The following PCDHGA7 variants were observed in gnomAD, a reference collection of about 807,000 sequenced individuals.
PCDHGA7 encodes protocadherin gamma-A7.
In PCDHGA7, 44 loss-of-function variants were observed where a neutral mutation model predicts 58.3. The observed-to-expected ratio is 0.75, with a 90% CI of 0.59 to 0.97. PCDHGA7 has a LOEUF of 0.97. Ranked by LOEUF, PCDHGA7 falls within the 50% of genes least tolerant of loss-of-function variation. PCDHGA7 has a pLI of 0.00. For missense variants in PCDHGA7, 1,266 were observed against 1,188.7 expected, an observed-to-expected ratio of 1.06 and a Z score of -0.96; for synonymous variants, 516 against 504.2, an observed-to-expected ratio of 1.02 and a Z score of -0.31.
chr5:141,385,328 G>A lies in PCDHGA7; in HGVS notation c.2424+5G>A, dbSNP rs767891948. The A allele has an allele frequency of 8.2e-6, 13 of 1,588,314 alleles. No homozygotes were observed. Among genetic ancestry groups the A allele is most frequent in the Middle Eastern group, 1.7e-4 (1 of 5,946 alleles). On this transcript the variant is annotated splice_donor_5th_base_variant and intron_variant, in intron 1 of 3. Coordinates refer to ENST00000518325, the MANE Select transcript of PCDHGA7 (RefSeq NM_018920.4). ...GAAAACCTGCCAAGTATTCAGGTGA[G>A]CCCAGCCCTTCCTTTATTTCCATGA... is the stretch of plus-strand genomic sequence containing the variant.
At chr5:141,418,583 T>A (rs1242446631) in intron 1 of PCDHGA7, 1 of 1,613,862 alleles carries the variant, frequency 6.2e-7, no homozygotes, top group Non-Finnish European at 8.5e-7. Flanking sequence ...CCCCCCAGTG[T>A]TCAGCCAGGA....
intron 1 of PCDHGA7, chr5:141,414,866 C>T: frequency 6.2e-7 from 1 of 1,614,230 alleles, no homozygotes; most frequent in Non-Finnish European, 8.5e-7. Flanking sequence ...GACAATGCGC[C>T]CGAGATCCTG....
rs143939286 is a variant in PCDHGA7 at position 141,427,522 on chromosome 5, T to C, written c.2424+42199T>C. 6.1e-3 allele frequency: 3,716 copies of C among 607,796 alleles called. 27 individuals are homozygous for C. The highest frequency in any genetic ancestry group is 8.8e-3 in the Non-Finnish European group (2,868 of 324,656). The allele number at this position is 607,796 out of a possible 1,614,324, so 37.7% of individuals were successfully genotyped here. A position where few individuals can be genotyped will look rare whatever the true frequency, so the allele number is the denominator to read the frequency against. On this transcript the variant is annotated intron_variant, in intron 1 of 3. Transcript: ENST00000518325. ...GATGGGACCCTGGATTGGGAGCGGATCCCGGAGTACAACGTCACCATCACT... is the reference window on the plus strand; with the variant it reads ...GATGGGACCCTGGATTGGGAGCGGACCCCGGAGTACAACGTCACCATCACT...
chr5:141,438,895 A>C (rs2098073582), intron 1 of PCDHGA7, among the ~76,000 whole-genome samples: 1 of 151,640 alleles, frequency 6.6e-6, no homozygotes, highest in Non-Finnish European at 1.5e-5. Flanking sequence ...TGAACTCCTG[A>C]CCTCAGGTGA....
chr5:141,415,081 C>A, intron 1 of PCDHGA7: 2 of 1,613,522 alleles, frequency 1.2e-6, no homozygotes, highest in Non-Finnish European at 1.7e-6. Flanking sequence ...GGCGCGAGCC[C>A]TGCTGGACAG....
intron 1 of PCDHGA7, among the ~76,000 whole-genome samples, chr5:141,402,158 G>A (rs1276790302): frequency 2.0e-5 from 3 of 151,990 alleles, no homozygotes; most frequent in Non-Finnish European, 2.9e-5. Context: ...AATATTAGGC[G>A]AGAACATCTG....
chr5:141,412,847 A>G (rs1206334568), intron 1 of PCDHGA7: 1 of 213,282 alleles, frequency 4.7e-6, no homozygotes, highest in Non-Finnish European at 9.1e-6. Flanking sequence ...AGGAGTGGAG[A>G]AACCAAAGAA....
At chr5:141,452,912 A>T (rs1301567203) in intron 1 of PCDHGA7, among the ~76,000 whole-genome samples, 1 of 152,228 alleles carries the variant, frequency 6.6e-6, no homozygotes, top group African/African-American at 2.4e-5. Flanking sequence ...GGCATTATAC[A>T]GTAAGAAAGA....
intron 1 of PCDHGA7, among the ~76,000 whole-genome samples, chr5:141,438,678 G>C (rs2098050264): frequency 7.1e-6 from 1 of 140,560 alleles, no homozygotes; most frequent in African/African-American, 2.6e-5. Context: ...ATTTGGAGTA[G>C]GGGATGGAGT....
intron 2 of PCDHGA7, among the ~76,000 whole-genome samples, chr5:141,499,214 C>T (rs1228581603): frequency 6.6e-6 from 1 of 152,074 alleles, no homozygotes; most frequent in Non-Finnish European, 1.5e-5. Flanking sequence ...TAACCCAGGC[C>T]CTGCCCTGCA....
chr5:141,491,322 C>T lies in PCDHGA7; in HGVS notation c.2425-3485C>T. 6.2e-7 allele frequency: 1 copy of T among 1,614,156 alleles called. No individual in the cohort carries two copies. Among genetic ancestry groups the T allele is most frequent in the East Asian group, 2.2e-5 (1 of 44,860 alleles). On this transcript the variant is annotated intron_variant, in intron 1 of 3. Coordinates refer to ENST00000518325, the MANE Select transcript of PCDHGA7 (RefSeq NM_018920.4). This position sits in a 1 kb window ranked among gnomAD's most constrained non-coding sequence, Gnocchi z 6.9. ...AGCGTTCAGACCTTACCCTTTACCT[C>T]ATTGTGGCTCTAGCGACCGTCAGTC...
In PCDHGA7 at chr5:141,383,195, G is replaced by C; in HGVS notation, c.296G>C (p.Ser99Thr). 2.5e-6 allele frequency: 4 copies of C among 1,614,044 alleles called. No individual in the cohort carries two copies. Among genetic ancestry groups the C allele is most frequent in the Non-Finnish European group, 3.4e-6 (4 of 1,179,940 alleles). ...RIDREEICAQ[S>T]ARCLVNFNIL... ...GACCGGGAAGAGATCTGCGCTCAGA[G>C]TGCGCGGTGTCTGGTAAACTTTAAC... Residue 99 changes from serine (S) to threonine (T), a missense_variant, in exon 1 of 4, where the codon AGT (serine) becomes ACT (threonine). Transcript: ENST00000518325.
At position 141,432,459 on chromosome 5, in the gene PCDHGA7, T is replaced by A. The variant is rs1230209932; in HGVS notation, c.2424+47136T>A. The A allele has an allele frequency of 1.2e-6, 2 of 1,613,984 alleles. No homozygotes were observed. Among genetic ancestry groups the A allele is most frequent in the South Asian group, 1.1e-5 (1 of 91,082 alleles). ...GCGCCCGAGATCCTGTACCCCGCCCTCCCCACGGACGGTTCCACTGGCGTG... is the reference window on the plus strand; with the variant it reads ...GCGCCCGAGATCCTGTACCCCGCCCACCCCACGGACGGTTCCACTGGCGTG... On this transcript the variant is annotated intron_variant, in intron 1 of 3. Transcript: ENST00000518325. The surrounding 1 kb of genome is among the most constrained non-coding windows in gnomAD (Gnocchi z 6.0).
intron 1 of PCDHGA7, chr5:141,479,247 C>A (rs1428944159): frequency 6.6e-6 from 1 of 152,084 alleles, no homozygotes; most frequent in Non-Finnish European, 1.5e-5. Flanking sequence ...CAAAGATAAC[C>A]ATTTTTAATT....
At chr5:141,422,561 A>T in intron 1 of PCDHGA7, 1 of 1,613,992 alleles carries the variant, frequency 6.2e-7, no homozygotes, top group Non-Finnish European at 8.5e-7. Context: ...AATGTGGCAG[A>T]TGACAACGAT....
chr5:141,463,359 T>C (rs2099057442), intron 1 of PCDHGA7, among the ~76,000 whole-genome samples: 2 of 151,672 alleles, frequency 1.3e-5, no homozygotes, highest in Admixed American at 6.6e-5. Flanking sequence ...GGATTTCCCC[T>C]TTCCTGCCCC....
At position 141,418,812 on chromosome 5, in the gene PCDHGA7, A is replaced by T. The variant is rs761899929; in HGVS notation, c.2424+33489A>T. 4 of 1,613,914 alleles carry T rather than the reference A, an allele frequency of 2.5e-6. No individual in the cohort carries two copies. In the South Asian group the frequency reaches 4.4e-5, roughly 18 times the overall value. On this transcript the variant is annotated intron_variant, in intron 1 of 3. Transcript: ENST00000518325. ...GAAGAAGTAGAAAGATATACGATAA[A>T]CATAGAAGCAAAAGACCGAGGATCT... is the stretch of plus-strand genomic sequence containing the variant.
At chr5:141,399,719 G>A (rs773556952) in intron 1 of PCDHGA7, 13 of 1,613,168 alleles carry the variant, frequency 8.1e-6, no homozygotes, top group Non-Finnish European at 1.1e-5. Flanking sequence ...CTACAGGCCC[G>A]CGACCAGGGC....
chr5:141,466,344 T>G (rs1036472951), intron 1 of PCDHGA7, among the ~76,000 whole-genome samples: 5 of 152,106 alleles, frequency 3.3e-5, no homozygotes, highest in African/African-American at 4.8e-5. Flanking sequence ...ATAATTTTTT[T>G]GCAGCTAATC....
Sources: gnomAD v4.1 joint callset for allele counts (sites outside exome capture counted in the v4.1 genomes callset) on GRCh38, gnomAD v4.1.1 for gene constraint, Gnocchi (gnomAD v3.1) non-coding constraint, MANE v1.5 for transcripts, NCBI Gene and HGNC (gene_info 2026-07-23, HGNC 2026-07-21) for gene names.